Variants in CIMIP4 observed in about 807,000 individuals in gnomAD.
CIMIP4 encodes protein EAN57.
At chr22:36,999,611 T>C in the CIMIP4 span, among the ~76,000 whole-genome samples, 1 of 108,970 alleles carries the variant, frequency 9.2e-6, no homozygotes, top group African/African-American at 3.8e-5. Context: ...GGACCAGAGG[T>C]GCCTGACTGC....
At chr22:36,992,849 C>T in the CIMIP4 span, among the ~76,000 whole-genome samples, 1 of 151,438 alleles carries the variant, frequency 6.6e-6, no homozygotes, top group Non-Finnish European at 1.5e-5. Context: ...CGGTGGCTCA[C>T]GCCTGTAATC....
chr22:37,001,543 C>CTGTG, the CIMIP4 span, among the ~76,000 whole-genome samples: 6 of 152,200 alleles, frequency 3.9e-5, no homozygotes, highest in South Asian at 1.2e-3. Flanking sequence ...CAGTTTGCAC[C>CTGTG]CTCGTCTCGC....
the CIMIP4 span, among the ~76,000 whole-genome samples, chr22:36,993,709 A>G: frequency 3.5e-4 from 54 of 152,184 alleles, no homozygotes; most frequent in South Asian, 0.011. Context: ...AGCCTGGGCA[A>G]CAGAGTGAGA....
chr22:37,007,687 T>C, the CIMIP4 span: 2 of 152,410 alleles, frequency 1.3e-5, no homozygotes, highest in South Asian at 4.1e-4. Flanking sequence ...TGAAACCCCA[T>C]GTCCTGGAAG....
At chr22:37,004,986 C>A in the CIMIP4 span, among the ~76,000 whole-genome samples, 10 of 152,172 alleles carry the variant, frequency 6.6e-5, no homozygotes. Context: ...CCGTGCCCGG[C>A]CTGTGACTTC....
the CIMIP4 span, among the ~76,000 whole-genome samples, chr22:37,000,792 G>T: frequency 3.9e-5 from 6 of 152,200 alleles, no homozygotes; most frequent in Non-Finnish European, 5.9e-5. Context: ...GTGAGAGGTG[G>T]TGACCACAGA....
At chr22:37,000,087 G>T in the CIMIP4 span, 2 of 1,410,002 alleles carry the variant, frequency 1.4e-6, no homozygotes, top group Non-Finnish European at 1.9e-6. Context: ...TCCCCACCCC[G>T]ATCCCACCTG....
the CIMIP4 span, among the ~76,000 whole-genome samples, chr22:36,997,657 A>G: frequency 6.6e-6 from 1 of 152,014 alleles, no homozygotes. Flanking sequence ...CCATCTCCCT[A>G]TGTCCATTCT....
the CIMIP4 span, among the ~76,000 whole-genome samples, chr22:36,999,142 G>A: frequency 1.5e-4 from 23 of 151,702 alleles, no homozygotes; most frequent in Middle Eastern, 3.2e-3. Flanking sequence ...CTGGGTCCTG[G>A]GCCTCCTACT....
chr22:36,993,375 T>G, the CIMIP4 span, among the ~76,000 whole-genome samples: 39 of 152,266 alleles, frequency 2.6e-4, no homozygotes, highest in African/African-American at 9.4e-4. Context: ...AACTTTATAA[T>G]TTGTTAATTA....
chr22:37,003,395 C>G, the CIMIP4 span, among the ~76,000 whole-genome samples: 2 of 152,338 alleles, frequency 1.3e-5, 1 homozygote, highest in African/African-American at 4.8e-5. Context: ...CCAACCTGCA[C>G]TCACCCCTGG....
At chr22:37,001,111 G>A in the CIMIP4 span, among the ~76,000 whole-genome samples, 1 of 152,118 alleles carries the variant, frequency 6.6e-6, no homozygotes, top group Non-Finnish European at 1.5e-5. Context: ...AAAGAACATA[G>A]CATTTGACCA....
chr22:36,994,201 T>C, the CIMIP4 span, among the ~76,000 whole-genome samples: 2 of 152,210 alleles, frequency 1.3e-5, no homozygotes, highest in African/African-American at 4.8e-5. Context: ...CATATTTTAG[T>C]AACTAATAGA....
At chr22:37,007,022 C>G in the CIMIP4 span, among the ~76,000 whole-genome samples, 1 of 152,112 alleles carries the variant, frequency 6.6e-6, no homozygotes, top group Non-Finnish European at 1.5e-5. Flanking sequence ...GTAGCTGGAT[C>G]CTGCCATGTG....
the CIMIP4 span, among the ~76,000 whole-genome samples, chr22:37,003,278 G>A: frequency 2.0e-5 from 3 of 152,238 alleles, no homozygotes; most frequent in African/African-American, 4.8e-5. Flanking sequence ...CTGAATCTGA[G>A]TGTTTAACAA....
chr22:36,998,035 G>A, the CIMIP4 span, among the ~76,000 whole-genome samples: 8 of 152,236 alleles, frequency 5.3e-5, no homozygotes, highest in East Asian at 1.5e-3. Flanking sequence ...TCAGTTCAGA[G>A]AGACAATTGC....
chr22:36,992,144 C>T, the CIMIP4 span, among the ~76,000 whole-genome samples: 1 of 151,926 alleles, frequency 6.6e-6, no homozygotes, highest in Admixed American at 6.6e-5. Context: ...GTCAGGGGTT[C>T]GAGACCAGCC....
At chr22:37,005,485 CA>C in the CIMIP4 span, among the ~76,000 whole-genome samples, 1 of 151,560 alleles carries the variant, frequency 6.6e-6, no homozygotes, top group African/African-American at 2.4e-5. Flanking sequence ...AACTTGGAAC[CA>C]AGCGGTGGTC....
At chr22:37,003,938 C>G in the CIMIP4 span, 30 of 1,542,752 alleles carry the variant, frequency 1.9e-5, 1 homozygote, top group South Asian at 3.6e-4. Context: ...GATGTGCATT[C>G]AGCACATCCC....
Sources: gnomAD v4.1 joint callset for allele counts (sites outside exome capture counted in the v4.1 genomes callset) on GRCh38, gnomAD v4.1.1 for gene constraint, MANE v1.5 for transcripts, NCBI Gene and HGNC (gene_info 2026-07-23, HGNC 2026-07-21) for gene names.